Variants in BORA observed in about 807,000 individuals in gnomAD.
BORA encodes protein aurora borealis.
Under a neutral mutation model 55.8 loss-of-function variants are expected in BORA, and 26 were observed. That is an observed-to-expected ratio of 0.47 (90% CI 0.34 to 0.65). BORA has a LOEUF of 0.65. BORA is among the 30% of genes least tolerant of loss of function. The pLI, the probability that BORA is intolerant of heterozygous loss-of-function variation, is 0.01. For missense variants in BORA, 568 were observed against 671.5 expected, an observed-to-expected ratio of 0.85 and a Z score of 1.70; for synonymous variants, 201 against 216.9, an observed-to-expected ratio of 0.93 and a Z score of 0.64.
rs367943961 is a variant in BORA, at chr13:72,756,061, A to AACTT, written c.*847_*850dup. On this transcript the variant is annotated 3_prime_UTR_variant, in exon 12 of 12. Coordinates refer to ENST00000390667, the MANE Select transcript of BORA (RefSeq NM_024808.5). ...GTTATATACAACTATTTTTTTAAAA[A>AACTT]ACTTATATCCATGTTGGGAGTAGAT... The AACTT allele has an allele frequency of 1.5e-3, 611 of 398,160 alleles. 6 individuals are homozygous for AACTT. The highest frequency in any genetic ancestry group is 0.012 in the African/African-American group (566 of 48,734). 24.7% of individuals were successfully genotyped at this position (398,160 alleles called of 1,614,324 possible). A position where few individuals can be genotyped will look rare whatever the true frequency, so the allele number is the denominator to read the frequency against.
Position 72,744,076 on chromosome 13 carries a change from A to C in BORA, c.455-429A>C, listed in dbSNP as rs562548416. 7.0e-4 allele frequency among the ~76,000 whole-genome samples: 106 copies of C among 152,304 alleles called. 1 individual carries two copies. Among genetic ancestry groups the C allele is most frequent in the Middle Eastern group, 3.4e-3 (1 of 294 alleles). ...CAATGAGCTACATAATAACCATATGAGAGCTGACCTTTAAAAACAAGTATA... is the reference window on the plus strand; with the variant it reads ...CAATGAGCTACATAATAACCATATGCGAGCTGACCTTTAAAAACAAGTATA... On this transcript the variant is annotated intron_variant, in intron 6 of 11. Transcript: ENST00000390667.
chr13:72,733,418 T>C (rs931654195), intron 3 of BORA, among the ~76,000 whole-genome samples: 2 of 152,196 alleles, frequency 1.3e-5, no homozygotes, highest in African/African-American at 2.4e-5. Context: ...TGGTGTTCAG[T>C]GGTATGCTGG....
At chr13:72,741,017 A>T (rs1394959663) in intron 5 of BORA, among the ~76,000 whole-genome samples, 1 of 152,174 alleles carries the variant, frequency 6.6e-6, no homozygotes, top group Non-Finnish European at 1.5e-5. Flanking sequence ...ATGAGGGGAA[A>T]AGTGGTTTTG....
At chr13:72,739,532 A>T (rs1435378404) in intron 5 of BORA, among the ~76,000 whole-genome samples, 2 of 152,170 alleles carry the variant, frequency 1.3e-5, no homozygotes, top group Non-Finnish European at 2.9e-5. Context: ...TGGAAGGTAG[A>T]GATAGTGTGT....
Position 72,731,294 on chromosome 13 carries a change from T to G in BORA, c.167T>G (p.Phe56Cys). ...KSTKLPTPGK[F>C]RWSIDQLAVI... is the part of the protein sequence containing the mutation. ...TCTTTTGTTAAGACTCCAGGGAAATTTAGATGGTCTATTGATCAACTAGCT... is the reference window on the plus strand; with the variant it reads ...TCTTTTGTTAAGACTCCAGGGAAATGTAGATGGTCTATTGATCAACTAGCT... Residue 56 changes from phenylalanine (F) to cysteine (C), a missense_variant, in exon 3 of 12, where the codon TTT becomes TGT. Phe to Cys is a radical substitution (Grantham distance 205). Coordinates refer to ENST00000390667, the MANE Select transcript of BORA (RefSeq NM_024808.5). The G allele has an allele frequency of 6.2e-7, 1 of 1,608,246 alleles. No homozygotes were observed. Among genetic ancestry groups the G allele is most frequent in the Non-Finnish European group, 8.5e-7 (1 of 1,176,578 alleles).
At position 72,751,723 on chromosome 13, in the gene BORA, C is replaced by A. The variant is rs548850721; in HGVS notation, c.1483-1967C>A. Among the ~76,000 whole-genome samples the A allele has an allele frequency of 2.9e-4, 44 of 152,210 alleles. 3 individuals carry two copies. The highest frequency in any genetic ancestry group is 9.9e-4 in the African/African-American group (41 of 41,540). On this transcript the variant is annotated intron_variant, in intron 10 of 11. Coordinates refer to ENST00000390667, the MANE Select transcript of BORA (RefSeq NM_024808.5). ...CAATTTATCGTATATTTTCAAATAG[C>A]TTGAAGAGCAGATTTTGAAAGTTCC...
In BORA at chr13:72,745,071, A is replaced by G; in HGVS notation, c.602A>G (p.Asn201Ser). The change falls in exon 8 of 12, where the codon AAC becomes AGC. Residue 201 changes from asparagine (N) to serine (S), a missense_variant. Coordinates refer to ENST00000390667, the MANE Select transcript of BORA (RefSeq NM_024808.5). ...SLRRKLFLDG[N>S]GSISDSLPSA... Reference sequence around the variant, plus strand: ...AGAAGAAAGCTGTTTTTAGATGGGAACGGAAGCATCTCCGACTCCTTACCT... The same window carrying G: ...AGAAGAAAGCTGTTTTTAGATGGGAGCGGAAGCATCTCCGACTCCTTACCT... 7 of 1,614,152 alleles carry G rather than the reference A, an allele frequency of 4.3e-6. No homozygotes were observed. Among genetic ancestry groups the G allele is most frequent in the Non-Finnish European group, 5.9e-6 (7 of 1,179,982 alleles).
In BORA at chr13:72,744,556, T is replaced by C. The variant is rs751988173; in HGVS notation, c.506T>C (p.Ile169Thr). The change falls in exon 7 of 12, where the codon ATA becomes ACA. Residue 169 changes from isoleucine (I) to threonine (T), a missense_variant. Physicochemically the swap from Ile to Thr is moderately conservative, Grantham distance 89 (BLOSUM62 -1). Transcript: ENST00000390667. ...CCTGTGGATTTTAATTTAGAAAATA[T>C]ATTAGGTAAATACTGTATTTGTTTA... ...SLPVDFNLEN[I>T]LGDYFRADEF... is the part of the protein sequence containing the mutation. The C allele has an allele frequency of 6.2e-7, 1 of 1,603,744 alleles. No homozygotes were observed. The highest frequency in any genetic ancestry group is 1.1e-5 in the South Asian group (1 of 90,704).
At chr13:72,746,295 C>T (rs982681350) in intron 9 of BORA, among the ~76,000 whole-genome samples, 4 of 152,150 alleles carry the variant, frequency 2.6e-5, no homozygotes, top group Non-Finnish European at 4.4e-5. Context: ...CTTTAATTAG[C>T]AATATTTACA....
chr13:72,744,493 G>A lies in BORA; in HGVS notation c.455-12G>A. 1 of 1,606,632 alleles carries A rather than the reference G, an allele frequency of 6.2e-7. No homozygotes were observed. Among genetic ancestry groups the A allele is most frequent in the Non-Finnish European group, 8.5e-7 (1 of 1,174,980 alleles). On this transcript the variant is annotated splice_polypyrimidine_tract_variant and intron_variant, in intron 6 of 11. Coordinates refer to ENST00000390667, the MANE Select transcript of BORA (RefSeq NM_024808.5). ...CATGTTTGAATTTGTTTATTTATTT[G>A]CTTGTTTCCAGCTGCTTGTCAGACA...
intron 2 of BORA, 67 bp downstream of exon 2, chr13:72,729,160 G>A: frequency 6.3e-6 from 8 of 1,270,362 alleles, no homozygotes; most frequent in South Asian, 1.6e-5. Flanking sequence ...AATTTTAAAT[G>A]TAAACATCTG....
intron 3 of BORA, 39 bp from the exon 4 acceptor site, chr13:72,734,921 G>C (rs369345288): frequency 4.2e-5 from 60 of 1,421,080 alleles, no homozygotes; most frequent in Non-Finnish European, 5.6e-5. Context: ...ATAAGCTTAA[G>C]TAATAGCATG....
chr13:72,728,067 TCC>T (rs2032716687), intron 1 of BORA, 60 bp downstream of exon 1: 1 of 1,549,038 alleles, frequency 6.5e-7, no homozygotes. Context: ...AGGTTTCTTT[TCC>T]CAGCTCCTGA....
chr13:72,729,070 G>T lies in BORA; in HGVS notation c.130G>T (p.Val44Phe). 3 of 1,572,912 alleles carry T rather than the reference G, an allele frequency of 1.9e-6. No homozygotes were observed. Among genetic ancestry groups the T allele is most frequent in the Non-Finnish European group, 2.6e-6 (3 of 1,166,990 alleles). The change falls in exon 2 of 12, where the codon GTT becomes TTT. Residue 44 changes from valine to phenylalanine, a missense_variant. Val to Phe is a conservative substitution (Grantham distance 50, BLOSUM62 -1). Transcript: ENST00000390667. ...LHEQTLASPS[V>F]FKSTKLPTPG... ...TGAACAAACTCTCGCCAGTCCTTCT[G>T]TTTTTAAATCAACAAAATTACCAGT... is the stretch of plus-strand genomic sequence containing the variant.
In BORA at chr13:72,733,361, G is replaced by T. The variant is rs116645320; in HGVS notation, c.261-1599G>T. 5.6e-3 allele frequency among the ~76,000 whole-genome samples: 856 copies of T among 152,266 alleles called. 10 individuals are homozygous for T. The highest frequency in any genetic ancestry group is 0.019 in the African/African-American group (790 of 41,544). On this transcript the variant is annotated intron_variant, in intron 3 of 11. Coordinates refer to ENST00000390667, the MANE Select transcript of BORA (RefSeq NM_024808.5). ...GAGGTCCCCTCTCCTTTGCCACCCT[G>T]CAAAGGCTCAACATTCAGGCCACAC...
intron 10 of BORA, 152 bp downstream of exon 10, chr13:72,747,263 GAAGAGT>G: frequency 2.6e-6 from 2 of 779,004 alleles, no homozygotes; most frequent in Non-Finnish European, 3.7e-6. Flanking sequence ...AGTGATATGA[GAAGAGT>G]AAATTTATTT....
rs558933930 is a variant in BORA, at chr13:72,733,663, C to A, written c.261-1297C>A. Among the ~76,000 whole-genome samples the A allele has an allele frequency of 5.3e-5, 8 of 152,258 alleles. No homozygotes were observed. In the East Asian group the frequency reaches 1.4e-3, roughly 26 times the overall value. On this transcript the variant is annotated intron_variant, in intron 3 of 11. Coordinates refer to ENST00000390667, the MANE Select transcript of BORA (RefSeq NM_024808.5). ...TTTGACCATGATAAGATGAAGAGAACCATTGATAAGATGAAGGCCATTTTG... is the reference window on the plus strand; with the variant it reads ...TTTGACCATGATAAGATGAAGAGAAACATTGATAAGATGAAGGCCATTTTG...
chr13:72,744,519 T>C lies in BORA; in HGVS notation c.469T>C (p.Leu157=), dbSNP rs763375582. Residue 157 remains leucine, a synonymous_variant, in exon 7 of 12, where the codon TTG becomes CTG. Transcript: ENST00000390667. ...CTTGTTTCCAGCTGCTTGTCAGACATTGCTGTCTCTTCCTGTGGATTTTAA... is the reference window on the plus strand; with the variant it reads ...CTTGTTTCCAGCTGCTTGTCAGACACTGCTGTCTCTTCCTGTGGATTTTAA... The part of the protein sequence containing the change: ...SEKSDAACQT[L]LSLPVDFNLE... The C allele has an allele frequency of 2.5e-6, 4 of 1,610,992 alleles. No individual in the cohort carries two copies. In the East Asian group the frequency reaches 8.9e-5, roughly 36 times the overall value.
Position 72,742,868 on chromosome 13 carries a change from T to C in BORA, c.389-669T>C, listed in dbSNP as rs115730541. On this transcript the variant is annotated intron_variant, in intron 5 of 11. Transcript: ENST00000390667. ...GGAAATTTTGTCATTTGTGACAACA[T>C]ATATGAATCTAGAGGACATTATGCT... Among the ~76,000 whole-genome samples the C allele has an allele frequency of 2.4e-3, 368 of 152,120 alleles. 2 individuals carry two copies. Among genetic ancestry groups the C allele is most frequent in the African/African-American group, 8.6e-3 (357 of 41,480 alleles).
Sources: gnomAD v4.1 joint callset for allele counts (sites outside exome capture counted in the v4.1 genomes callset) on GRCh38, gnomAD v4.1.1 for gene constraint, MANE v1.5 for transcripts, NCBI Gene and HGNC (gene_info 2026-07-23, HGNC 2026-07-21) for gene names.